Variants in TBC1D8 observed in about 807,000 individuals in gnomAD.
TBC1D8 encodes BUB2-like protein 1.
In TBC1D8, 65 loss-of-function variants were observed where a neutral mutation model predicts 118.8. The observed-to-expected ratio is 0.55, with a 90% CI of 0.45 to 0.67. The LOEUF (loss-of-function observed/expected upper bound fraction) is 0.67, where lower values mean the gene tolerates loss of function less well. Ranked by LOEUF, TBC1D8 falls within the 30% of genes least tolerant of loss-of-function variation. The pLI, the probability that TBC1D8 is intolerant of heterozygous loss-of-function variation, is 0.00. For missense variants in TBC1D8, 1,376 were observed against 1,471.2 expected (o/e 0.94, Z 1.06); for synonymous variants, 566 against 595.8 (o/e 0.95, Z 0.73).
At chr2:101,102,856 A>C (rs912246533) in intron 1 of TBC1D8, among the ~76,000 whole-genome samples, 3 of 152,004 alleles carry the variant, frequency 2.0e-5, no homozygotes, top group African/African-American at 7.3e-5. Context: ...CAGCCTGGGC[A>C]ACATAGCAAA....
intron 15 of TBC1D8, 40 bp downstream of exon 15, chr2:101,027,343 C>T (rs768709585): frequency 2.5e-6 from 4 of 1,598,152 alleles, no homozygotes; most frequent in East Asian, 2.2e-5. Flanking sequence ...CTCAGGCCAG[C>T]TCAGGGCCTG....
intron 1 of TBC1D8, among the ~76,000 whole-genome samples, chr2:101,144,764 C>A (rs1021252353): frequency 1.3e-5 from 2 of 151,942 alleles, no homozygotes; most frequent in African/African-American, 2.4e-5. Context: ...ATGGTGAAAC[C>A]CTGTCTCTAC....
At chr2:101,042,231 T>C (rs1023170372) in intron 5 of TBC1D8, among the ~76,000 whole-genome samples, 2 of 152,124 alleles carry the variant, frequency 1.3e-5, no homozygotes, top group African/African-American at 4.8e-5. Context: ...TATCCTGATT[T>C]TTGGCTCTGA....
chr2:101,046,875 C>T (rs901467128), intron 5 of TBC1D8, among the ~76,000 whole-genome samples: 6 of 152,058 alleles, frequency 3.9e-5, no homozygotes, highest in African/African-American at 1.2e-4. Context: ...TTTACTACAC[C>T]GCTTTAATTC....
At chr2:101,115,141 TAA>T (rs1677762953) in intron 1 of TBC1D8, among the ~76,000 whole-genome samples, 1 of 152,160 alleles carries the variant, frequency 6.6e-6, no homozygotes, top group Non-Finnish European at 1.5e-5. Context: ...ATTCTCTCTC[TAA>T]GGCTATCACA....
intron 2 of TBC1D8, among the ~76,000 whole-genome samples, chr2:101,076,489 C>T (rs1313636649): frequency 6.6e-6 from 1 of 152,162 alleles, no homozygotes; most frequent in East Asian, 1.9e-4. Context: ...AACAGCTGCA[C>T]CTACATTCAA....
chr2:101,127,263 G>A (rs1211728187), intron 1 of TBC1D8, among the ~76,000 whole-genome samples: 4 of 151,898 alleles, frequency 2.6e-5, no homozygotes, highest in South Asian at 2.1e-4. Context: ...TTGAACCTGG[G>A]AGGCAGAGGT....
At position 101,139,248 on chromosome 2, in the gene TBC1D8, T is replaced by C. The variant is rs187411651; in HGVS notation, c.127+11879A>G. Among the ~76,000 whole-genome samples the C allele has an allele frequency of 8.8e-4, 134 of 151,824 alleles. 1 individual carries two copies. The highest frequency in any genetic ancestry group is 3.2e-3 in the African/African-American group (131 of 41,364). On this transcript the variant is annotated intron_variant, in intron 1 of 19. Transcript: ENST00000409318. ...AGACCCAGCAGCTTGGCCCCAAATC[T>C]ACACTTGTGGATCCAGCATTCAACA...
intron 1 of TBC1D8, among the ~76,000 whole-genome samples, chr2:101,115,837 G>A (rs904098405): frequency 1.3e-5 from 2 of 151,966 alleles, no homozygotes; most frequent in African/African-American, 4.8e-5. Flanking sequence ...TGATGGAACC[G>A]GACCATCACC....
At position 101,122,501 on chromosome 2, in the gene TBC1D8, T is replaced by C. The variant is rs965694918; in HGVS notation, c.127+28626A>G. Among the ~76,000 whole-genome samples, 4 of 151,752 alleles carry C rather than the reference T, an allele frequency of 2.6e-5. No individual in the cohort carries two copies. In the East Asian group the frequency reaches 7.8e-4, roughly 30 times the overall value. On this transcript the variant is annotated intron_variant, in intron 1 of 19. Transcript: ENST00000409318. Reference sequence around the variant, plus strand: ...CATTTATTTTTCCAATTTCCTACAATTGACATTTATTTATAAAATCATGAC... The same window carrying C: ...CATTTATTTTTCCAATTTCCTACAACTGACATTTATTTATAAAATCATGAC...
intron 2 of TBC1D8, among the ~76,000 whole-genome samples, chr2:101,067,834 A>G (rs1683098834): frequency 6.6e-6 from 1 of 152,184 alleles, no homozygotes; most frequent in African/African-American, 2.4e-5. Flanking sequence ...CCACAGTAAA[A>G]CTTTTCAAAT....
chr2:101,114,951 CATA>C lies in TBC1D8; in HGVS notation c.128-24590_128-24588del, dbSNP rs1002439412. 5.3e-5 allele frequency among the ~76,000 whole-genome samples: 8 copies of C among 152,262 alleles called. No individual in the cohort carries two copies. In the South Asian group the frequency reaches 6.2e-4, roughly 12 times the overall value. Reference sequence around the variant, plus strand: ...CCCATGGTCCCTGGTCTGACTTCCCCATAAAGTGACAATACATAGAGCTAGTCT... The same window carrying C: ...CCCATGGTCCCTGGTCTGACTTCCCCAAGTGACAATACATAGAGCTAGTCT... On this transcript the variant is annotated intron_variant, in intron 1 of 19. Coordinates refer to ENST00000409318, the MANE Select transcript of TBC1D8 (RefSeq NM_001330348.2).
chr2:101,089,422 T>TA (rs5832949), intron 2 of TBC1D8, among the ~76,000 whole-genome samples: 22,724 of 146,682 alleles, frequency 0.15, 1,839 homozygotes, highest in East Asian at 0.25. Context: ...TACTCGTGTT[T>TA]AAAAAAAAAA....
chr2:101,138,936 C>T (rs754693614), intron 1 of TBC1D8, among the ~76,000 whole-genome samples: 1 of 152,170 alleles, frequency 6.6e-6, no homozygotes, highest in Non-Finnish European at 1.5e-5. Flanking sequence ...CAGGAGCCCA[C>T]CAAGAGTCAC....
chr2:101,055,390 A>C (rs1374151629), intron 3 of TBC1D8, among the ~76,000 whole-genome samples: 2 of 152,016 alleles, frequency 1.3e-5, no homozygotes, highest in Non-Finnish European at 2.9e-5. Flanking sequence ...AAAAAAAAAA[A>C]AAGTTAGTCT....
At chr2:101,035,372 T>C (rs1383547983) in intron 9 of TBC1D8, among the ~76,000 whole-genome samples, 2 of 152,138 alleles carry the variant, frequency 1.3e-5, no homozygotes, top group African/African-American at 2.4e-5. Context: ...CTACCCAGTA[T>C]GTCCCTGGGG....
chr2:101,109,715 G>T, intron 1 of TBC1D8: 1 of 841,758 alleles, frequency 1.2e-6, no homozygotes, highest in Non-Finnish European at 1.4e-6. Flanking sequence ...CCTGAGCACT[G>T]AGAGATGATG....
intron 1 of TBC1D8, among the ~76,000 whole-genome samples, chr2:101,097,087 A>C (rs575111719): frequency 6.6e-6 from 1 of 152,192 alleles, no homozygotes; most frequent in Non-Finnish European, 1.5e-5. Flanking sequence ...CCATAGGGGG[A>C]AAAAACAGCT....
intron 7 of TBC1D8, 70 bp downstream of exon 7, chr2:101,038,391 T>C (rs1681163117): frequency 1.2e-5 from 18 of 1,527,678 alleles, no homozygotes; most frequent in Non-Finnish European, 1.6e-5. Flanking sequence ...TCTCCCCATG[T>C]GTACTCCCCT....
Sources: gnomAD v4.1 joint callset for allele counts (sites outside exome capture counted in the v4.1 genomes callset) on GRCh38, gnomAD v4.1.1 for gene constraint, MANE v1.5 for transcripts, NCBI Gene and HGNC (gene_info 2026-07-23, HGNC 2026-07-21) for gene names.